PDE4B: variants seen among roughly 807,000 people sequenced by gnomAD.
PDE4B encodes the protein 3',5'-cyclic-AMP phosphodiesterase 4B.
PDE4B carries 20 observed loss-of-function variants against 82.2 expected under a neutral mutation model. The observed-to-expected ratio is 0.24, with a 90% CI of 0.17 to 0.35. PDE4B has a LOEUF of 0.35. PDE4B is among the 10% of genes least tolerant of loss of function. PDE4B has a pLI of 1.00. For synonymous variants in PDE4B, 320 were observed against 318.9 expected (o/e 1.00, Z -0.04); for missense variants, 655 against 907.2 (o/e 0.72, Z 3.57).
chr1:66,060,056 G>A (rs1474077681), intron 3 of PDE4B, among the ~76,000 whole-genome samples: 1 of 152,184 alleles, frequency 6.6e-6, no homozygotes, highest in African/African-American at 2.4e-5. Flanking sequence ...TGACCCATAT[G>A]TAAAGATTAA....
chr1:66,126,026 G>A (rs1267607835), intron 3 of PDE4B, among the ~76,000 whole-genome samples: 2 of 151,980 alleles, frequency 1.3e-5, no homozygotes, highest in Admixed American at 1.3e-4. Context: ...GGCTGGTCTC[G>A]AACTCCTGAC....
chr1:66,250,464 CAG>C (rs1239204730), intron 4 of PDE4B, among the ~76,000 whole-genome samples: 1 of 151,996 alleles, frequency 6.6e-6, no homozygotes, highest in Non-Finnish European at 1.5e-5. Flanking sequence ...AAATTATAGT[CAG>C]GGGAGAGTGA....
intron 6 of PDE4B, among the ~76,000 whole-genome samples, chr1:66,260,959 T>C (rs1654636765): frequency 6.6e-6 from 1 of 152,194 alleles, no homozygotes. Context: ...GATAGTTGTA[T>C]CTAATGATCT....
chr1:66,153,483 GT>G (rs750004997), intron 3 of PDE4B, among the ~76,000 whole-genome samples: 1 of 152,086 alleles, frequency 6.6e-6, no homozygotes, highest in South Asian at 2.1e-4. Context: ...AACCTCATGG[GT>G]TTTTTTGTTT....
At chr1:66,059,243 T>C (rs556769826) in intron 3 of PDE4B, among the ~76,000 whole-genome samples, 4 of 152,296 alleles carry the variant, frequency 2.6e-5, no homozygotes, top group African/African-American at 9.6e-5. Flanking sequence ...TTACTGTTCA[T>C]ATCACTTTCC....
At chr1:66,220,053 A>G (rs1650845590) in intron 3 of PDE4B, among the ~76,000 whole-genome samples, 1 of 152,194 alleles carries the variant, frequency 6.6e-6, no homozygotes, top group Non-Finnish European at 1.5e-5. Context: ...AATTAAGGGC[A>G]AGAGGAAAAT....
At chr1:65,929,951 T>G (rs1647738817) in intron 3 of PDE4B, among the ~76,000 whole-genome samples, 1 of 152,206 alleles carries the variant, frequency 6.6e-6, no homozygotes, top group Admixed American at 6.5e-5. Context: ...CTTAAAATAC[T>G]GTTCCTCTAG....
At chr1:66,035,456 T>C (rs972980997) in intron 3 of PDE4B, among the ~76,000 whole-genome samples, 2 of 152,214 alleles carry the variant, frequency 1.3e-5, no homozygotes, top group Non-Finnish European at 2.9e-5. Context: ...TTTGTACTTA[T>C]TGACCAACAT....
At chr1:66,052,063 C>T (rs1344814803) in intron 3 of PDE4B, among the ~76,000 whole-genome samples, 1 of 152,160 alleles carries the variant, frequency 6.6e-6, no homozygotes, top group African/African-American at 2.4e-5. Flanking sequence ...GCTTCTTCCT[C>T]ATCCCTTTCA....
At chr1:66,186,854 G>A in intron 3 of PDE4B, among the ~76,000 whole-genome samples, 1 of 152,158 alleles carries the variant, frequency 6.6e-6, no homozygotes, top group East Asian at 1.9e-4. Context: ...GCCCGGGCCA[G>A]AGCTTCCAAC....
chr1:66,064,925 T>A lies in PDE4B; in HGVS notation c.281+146090T>A, dbSNP rs536590500. On this transcript the variant is annotated intron_variant, in intron 3 of 16. Coordinates refer to ENST00000341517, the MANE Select transcript of PDE4B (RefSeq NM_002600.4). Reference sequence around the variant, plus strand: ...CCCCTAAACTATATTATTGCTTTTCTCATTTTATAACTCTGCAACATGAAT... The same window carrying A: ...CCCCTAAACTATATTATTGCTTTTCACATTTTATAACTCTGCAACATGAAT... Among the ~76,000 whole-genome samples the A allele has an allele frequency of 5.9e-5, 9 of 152,110 alleles. No homozygotes were observed. The South Asian group carries it at 1.7e-3, about 28-fold the overall frequency.
chr1:66,237,630 G>T (rs1652561944), intron 3 of PDE4B, among the ~76,000 whole-genome samples: 1 of 152,096 alleles, frequency 6.6e-6, no homozygotes, highest in Non-Finnish European at 1.5e-5. Context: ...TCAAACCTGG[G>T]ACAAGTTTTT....
chr1:66,272,821 A>C lies in PDE4B; in HGVS notation c.634+6734A>C, dbSNP rs185184122. On this transcript the variant is annotated intron_variant, in intron 7 of 16. Transcript: ENST00000341517. ...TTTTTTTTTGGAGGGACGGAGTCTC[A>C]CTCTGTCATCAGGCTGGAGTGCAAT... Among the ~76,000 whole-genome samples, 17 of 110,230 alleles carry C rather than the reference A, an allele frequency of 1.5e-4. No individual in the cohort carries two copies. In the East Asian group the frequency reaches 4.1e-3, roughly 27 times the overall value. The allele number at this position is 110,230 out of a possible 152,430, so 72.3% of individuals were successfully genotyped here.
In PDE4B at chr1:66,100,496, TAATC is replaced by T. The variant is rs575324521; in HGVS notation, c.282-146960_282-146957del. Among the ~76,000 whole-genome samples, 71 of 152,174 alleles carry T rather than the reference TAATC, an allele frequency of 4.7e-4. 1 individual carries two copies. The highest frequency in any genetic ancestry group is 3.7e-4 in the Non-Finnish European group (25 of 68,026). On this transcript the variant is annotated intron_variant, in intron 3 of 16. Transcript: ENST00000341517. Reference sequence around the variant, plus strand: ...TGTAAATGCTTAATAAATATTCACTTAATCAATAAATGAATTTAAAAAGTGAATC... The same window carrying T: ...TGTAAATGCTTAATAAATATTCACTTAATAAATGAATTTAAAAAGTGAATC...
rs1453043040 is a variant in PDE4B, at chr1:66,372,429, C to T, written c.1962C>T (p.Ser654=). Residue 654 remains serine, a synonymous_variant, in exon 17 of 17, where the codon AGC becomes AGT. Transcript: ENST00000341517. ...AAGATAACAGGAACTGGTATCAGAGCATGATACCTCAAAGTCCCTCACCAC... is the reference window on the plus strand; with the variant it reads ...AAGATAACAGGAACTGGTATCAGAGTATGATACCTCAAAGTCCCTCACCAC... The part of the protein sequence containing the change: ...TLEDNRNWYQ[S]MIPQSPSPPL... The T allele has an allele frequency of 6.2e-7, 1 of 1,613,880 alleles. No homozygotes were observed. The highest frequency in any genetic ancestry group is 1.7e-5 in the Admixed American group (1 of 60,002).
chr1:66,279,445 G>A (rs937821016), intron 7 of PDE4B, among the ~76,000 whole-genome samples: 7 of 152,278 alleles, frequency 4.6e-5, no homozygotes, highest in African/African-American at 1.7e-4. Flanking sequence ...CCAACATAGT[G>A]AAATCCCGAC....
intron 1 of PDE4B, among the ~76,000 whole-genome samples, chr1:65,897,305 T>A (rs1377092634): frequency 6.6e-6 from 1 of 152,126 alleles, no homozygotes; most frequent in Non-Finnish European, 1.5e-5. Context: ...AAAGTTTATA[T>A]TGGAGAATCT....
intron 1 of PDE4B, among the ~76,000 whole-genome samples, chr1:65,800,278 C>T (rs1645679862): frequency 6.6e-6 from 1 of 152,128 alleles, no homozygotes; most frequent in Non-Finnish European, 1.5e-5. Flanking sequence ...TAGTACAACT[C>T]CCTGGATGAG....
chr1:66,194,079 T>A (rs1570440452), intron 3 of PDE4B, among the ~76,000 whole-genome samples: 1 of 151,524 alleles, frequency 6.6e-6, no homozygotes, highest in African/African-American at 2.4e-5. Context: ...TTGAACTAAC[T>A]CACTTTCTTC....
Sources: gnomAD v4.1 joint callset for allele counts (sites outside exome capture counted in the v4.1 genomes callset) on GRCh38, gnomAD v4.1.1 for gene constraint, MANE v1.5 for transcripts, NCBI Gene and HGNC (gene_info 2026-07-23, HGNC 2026-07-21) for gene names.